The following ADAMTS10 variants were observed in gnomAD, a reference collection of about 807,000 sequenced individuals.
The protein encoded by ADAMTS10 is A disintegrin and metalloproteinase with thrombospondin motifs 10.
ADAMTS10 carries 48 observed loss-of-function variants against 135.9 expected under a neutral mutation model. The observed-to-expected ratio is 0.35, with a 90% CI of 0.28 to 0.45. The LOEUF (loss-of-function observed/expected upper bound fraction) is 0.45, where lower values mean the gene tolerates loss of function less well. ADAMTS10 is among the 20% of genes least tolerant of loss of function. ADAMTS10 has a pLI of 1.00. For synonymous variants in ADAMTS10, 621 were observed against 647.5 expected (o/e 0.96, Z 0.62); for missense variants, 1,131 against 1,565.2 (o/e 0.72, Z 4.68).
At position 8,596,391 on chromosome 19, in the gene ADAMTS10, A is replaced by G; in HGVS notation, c.1106T>C (p.Met369Thr). The G allele has an allele frequency of 6.2e-7, 1 of 1,613,466 alleles. No homozygotes were observed. The highest frequency in any genetic ancestry group is 8.5e-7 in the Non-Finnish European group (1 of 1,179,884). The part of the protein sequence containing the change: ...GTLGLAPVGG[M>T]CERERSCSVN... Reference sequence around the variant, plus strand: ...GCTGCAGCTTCTCTCGCGCTCACACATTCCGCCCACCGGGGCCAGGCCTGG... The same window carrying G: ...GCTGCAGCTTCTCTCGCGCTCACACGTTCCGCCCACCGGGGCCAGGCCTGG... The change falls in exon 10 of 26, where the codon ATG (methionine) becomes ACG (threonine). Residue 369 changes from methionine (M) to threonine (T), a missense_variant. By Grantham distance (81) the Met-to-Thr change is moderately conservative (BLOSUM62 -1). Coordinates refer to ENST00000597188, the MANE Select transcript of ADAMTS10 (RefSeq NM_030957.4). This position sits in a 1 kb window ranked among gnomAD's most constrained non-coding sequence, Gnocchi z 7.2.
At chr19:8,583,828 A>G (rs1420179605) in intron 25 of ADAMTS10, among the ~76,000 whole-genome samples, 2 of 144,232 alleles carry the variant, frequency 1.4e-5, no homozygotes, top group Non-Finnish European at 3.0e-5. Flanking sequence ...CTGCACTCCA[A>G]CGTGGGTGAC....
chr19:8,586,331 C>G lies in ADAMTS10; in HGVS notation c.2530+13G>C, dbSNP rs782428779. On this transcript the variant is annotated intron_variant, in intron 21 of 25. Coordinates refer to ENST00000597188, the MANE Select transcript of ADAMTS10 (RefSeq NM_030957.4). The stretch of plus-strand genomic sequence containing the variant: ...CCCAGGTATCTTGTGCCTTCCCCCA[C>G]CCCCGGCCTCACCGCCTGCACACTG... The G allele has an allele frequency of 3.1e-6, 5 of 1,613,418 alleles. No homozygotes were observed. Among genetic ancestry groups the G allele is most frequent in the Non-Finnish European group, 4.2e-6 (5 of 1,179,856 alleles).
intron 16 of ADAMTS10, 66 bp from the exon 17 acceptor site, chr19:8,589,651 G>A (rs2042494455): frequency 6.2e-7 from 1 of 1,604,922 alleles, no homozygotes; most frequent in Non-Finnish European, 8.5e-7. Context: ...TGCTCCCTGG[G>A]GGAGTGAGGC....
intron 25 of ADAMTS10, among the ~76,000 whole-genome samples, chr19:8,581,646 C>T (rs1366082877): frequency 6.6e-6 from 1 of 151,864 alleles, no homozygotes; most frequent in South Asian, 2.1e-4. Flanking sequence ...ACCAGCCTGG[C>T]CAACGTGATC....
chr19:8,600,474 T>C (rs1047580464), intron 6 of ADAMTS10, among the ~76,000 whole-genome samples: 3 of 133,450 alleles, frequency 2.2e-5, no homozygotes, highest in African/African-American at 8.1e-5. Context: ...TTTCTCTTTC[T>C]TTCTGTCTTT....
At chr19:8,591,734 C>T (rs1394108489) in intron 15 of ADAMTS10, 66 bp downstream of exon 15, 25 of 1,592,798 alleles carry the variant, frequency 1.6e-5, no homozygotes, top group Middle Eastern at 3.3e-4. Flanking sequence ...GCCACGGTGC[C>T]CGGCCTCTGA....
chr19:8,582,122 C>T (rs1323109541), intron 25 of ADAMTS10, among the ~76,000 whole-genome samples: 2 of 152,068 alleles, frequency 1.3e-5, no homozygotes, highest in African/African-American at 4.8e-5. Context: ...TTCATAGCAC[C>T]CAGGAAAAAA....
rs2042672448 is a variant in ADAMTS10 at position 8,601,797 on chromosome 19, G to A, written c.593-652C>T. Among the ~76,000 whole-genome samples the A allele has an allele frequency of 6.6e-6, 1 of 152,160 alleles. No homozygotes were observed. Among genetic ancestry groups the A allele is most frequent in the African/African-American group, 2.4e-5 (1 of 41,440 alleles). On this transcript the variant is annotated intron_variant, in intron 5 of 25. Coordinates refer to ENST00000597188, the MANE Select transcript of ADAMTS10 (RefSeq NM_030957.4). This position sits in a 1 kb window ranked among gnomAD's most constrained non-coding sequence, Gnocchi z 4.6. ...AAACTGTTGAGTTGAATAACAGCCT[G>A]ACTTCTCCCACTGTTGGTTGTATGG...
chr19:8,589,845 G>T (rs1555738464), intron 16 of ADAMTS10, 44 bp downstream of exon 16: 2 of 1,576,456 alleles, frequency 1.3e-6, no homozygotes, highest in South Asian at 2.2e-5. Context: ...ACACTCCCAC[G>T]GCTGCCCTTC....
intron 12 of ADAMTS10, 161 bp from the exon 13 acceptor site, chr19:8,593,031 G>A: frequency 1.5e-6 from 1 of 686,232 alleles, no homozygotes. Flanking sequence ...GCATCCCCTT[G>A]CGGGGCATGG....
intron 18 of ADAMTS10, among the ~76,000 whole-genome samples, chr19:8,587,471 C>CTT (rs112605791): frequency 0.21 from 28,918 of 135,700 alleles, 3,180 homozygotes; most frequent in Middle Eastern, 0.25. Context: ...GCCTGGCCAG[C>CTT]TTTTTTTTTT....
intron 2 of ADAMTS10, among the ~76,000 whole-genome samples, chr19:8,606,629 C>G (rs1214177354): frequency 6.6e-6 from 1 of 152,220 alleles, no homozygotes; most frequent in Admixed American, 6.5e-5. Flanking sequence ...TCTTGAACTC[C>G]TGACCTCGCA....
Position 8,595,901 on chromosome 19 carries a change from G to A in ADAMTS10, c.1340C>T (p.Ser447Leu), listed in dbSNP as rs138390118. The change falls in exon 12 of 26, where the codon TCG becomes TTG. Residue 447 changes from serine to leucine, a missense_variant and splice_region_variant. Coordinates refer to ENST00000597188, the MANE Select transcript of ADAMTS10 (RefSeq NM_030957.4). ...GTTGTTCAGGCAGAGCCCCAGGCCC[G>A]AGCTGCCTCGAGAGAAAAGCAACTG... ...SRDYITSFLD[S>L]GLGLCLNNRP... is the part of the protein sequence containing the mutation. 1.3e-4 allele frequency: 216 copies of A among 1,614,058 alleles called. No homozygotes were observed. The highest frequency in any genetic ancestry group is 4.0e-4 in the Admixed American group (24 of 60,000).
At chr19:8,604,910 A>G in intron 4 of ADAMTS10, 102 bp downstream of exon 4, 2 of 1,308,882 alleles carry the variant, frequency 1.5e-6, no homozygotes, top group Non-Finnish European at 2.1e-6. Context: ...CACTTAAAAA[A>G]CATCCCACTA....
At chr19:8,609,865 C>T (rs1555743199) in intron 1 of ADAMTS10, among the ~76,000 whole-genome samples, 2 of 151,998 alleles carry the variant, frequency 1.3e-5, no homozygotes, top group Non-Finnish European at 1.5e-5. Context: ...CAGGACGCCT[C>T]CACCGCAGAC....
intron 1 of ADAMTS10, among the ~76,000 whole-genome samples, chr19:8,609,444 C>T (rs1203013056): frequency 2.0e-5 from 3 of 152,106 alleles, no homozygotes; most frequent in Non-Finnish European, 1.5e-5. Context: ...GCTCCACACC[C>T]AAACCTCTCC....
In ADAMTS10 at chr19:8,588,472, C is replaced by T. The variant is rs138431790; in HGVS notation, c.2158+770G>A. On this transcript the variant is annotated intron_variant, in intron 18 of 25. Transcript: ENST00000597188. ...ACTGAAACTCACACTCTGCAACCTACTCCTGCCTCACCTGGACACACTCCC... is the reference window on the plus strand; with the variant it reads ...ACTGAAACTCACACTCTGCAACCTATTCCTGCCTCACCTGGACACACTCCC... Among the ~76,000 whole-genome samples the T allele has an allele frequency of 2.6e-3, 389 of 152,164 alleles. 1 individual carries two copies. Among genetic ancestry groups the T allele is most frequent in the Non-Finnish European group, 4.7e-3 (318 of 67,994 alleles).
Position 8,584,777 on chromosome 19 carries a change from A to G in ADAMTS10, c.3202+118T>C, listed in dbSNP as rs1568391064. On this transcript the variant is annotated intron_variant, in intron 25 of 25. Coordinates refer to ENST00000597188, the MANE Select transcript of ADAMTS10 (RefSeq NM_030957.4). ...TGGTGAAGGATGGCCTGGCAGAGAC[A>G]CAGCAATGCATTTCCGAGGTTCCAG... The G allele has an allele frequency of 7.2e-6, 10 of 1,384,576 alleles. No individual in the cohort carries two copies. The South Asian group carries it at 1.3e-4, about 18-fold the overall frequency. The allele number at this position is 1,384,576 out of a possible 1,614,324, so 85.8% of individuals were successfully genotyped here.
chr19:8,600,776 G>A (rs1369192906), intron 6 of ADAMTS10, 152 bp downstream of exon 6: 29 of 904,268 alleles, frequency 3.2e-5, no homozygotes, highest in Non-Finnish European at 1.2e-5. Context: ...GGGATTACAG[G>A]TGTGAGCCAC....
Sources: gnomAD v4.1 joint callset for allele counts (sites outside exome capture counted in the v4.1 genomes callset) on GRCh38, gnomAD v4.1.1 for gene constraint, Gnocchi (gnomAD v3.1) non-coding constraint, MANE v1.5 for transcripts, NCBI Gene and HGNC (gene_info 2026-07-23, HGNC 2026-07-21) for gene names.